Variants in DPP10 observed in about 807,000 individuals in gnomAD.
DPP10 encodes the protein dipeptidyl peptidase like 10.
A neutral mutation model predicts 120.9 loss-of-function variants in DPP10; 33 were observed. The observed-to-expected ratio is 0.27, with a 90% confidence interval of 0.21 to 0.37. DPP10 has a LOEUF of 0.37. DPP10 is among the 10% of genes least tolerant of loss of function. The probability of loss-of-function intolerance (pLI) is 1.00; values close to 1 mark genes in which losing one functional copy is unlikely to be tolerated. For missense variants in DPP10, 816 were observed against 942.8 expected, an observed-to-expected ratio of 0.87 and a Z score of 1.76; for synonymous variants, 337 against 326.1, an observed-to-expected ratio of 1.03 and a Z score of -0.36.
intron 1 of DPP10, among the ~76,000 whole-genome samples, chr2:114,502,082 C>T (rs921754619): frequency 3.3e-5 from 5 of 151,562 alleles, no homozygotes; most frequent in African/African-American, 9.7e-5. Flanking sequence ...ATTACAGGCA[C>T]GCACCACCAC....
chr2:115,523,024 G>A (rs536354437), intron 4 of DPP10, among the ~76,000 whole-genome samples: 18 of 152,156 alleles, frequency 1.2e-4, no homozygotes, highest in East Asian at 9.7e-4. Context: ...ATCTTCTGGC[G>A]TGTTGACTAA....
At chr2:114,519,914 C>G (rs1190443017) in intron 1 of DPP10, among the ~76,000 whole-genome samples, 1 of 152,172 alleles carries the variant, frequency 6.6e-6, no homozygotes, top group Non-Finnish European at 1.5e-5. Context: ...TTTCACATTC[C>G]TCTTCATGTA....
At position 115,463,634 on chromosome 2, in the gene DPP10, T is replaced by G. The variant is rs181092893; in HGVS notation, c.272-35876T>G. ...AATGGATTTGGTCTTCCTTATGTGATGAGTATTGGGATATCATACTTTATT... is the reference window on the plus strand; with the variant it reads ...AATGGATTTGGTCTTCCTTATGTGAGGAGTATTGGGATATCATACTTTATT... On this transcript the variant is annotated intron_variant, in intron 3 of 25. Transcript: ENST00000410059. 1.6e-4 allele frequency among the ~76,000 whole-genome samples: 24 copies of G among 152,334 alleles called. No homozygotes were observed. In the East Asian group the frequency reaches 4.1e-3, roughly 26 times the overall value.
intron 1 of DPP10, among the ~76,000 whole-genome samples, chr2:114,945,799 C>G (rs200139909): frequency 1.3e-5 from 2 of 151,894 alleles, no homozygotes; most frequent in East Asian, 3.9e-4. Context: ...CTGGGCAACA[C>G]GAGGGAAACT....
chr2:115,193,067 C>T (rs2054998777), intron 1 of DPP10, among the ~76,000 whole-genome samples: 1 of 152,092 alleles, frequency 6.6e-6, no homozygotes, highest in Non-Finnish European at 1.5e-5. Context: ...ACTTTCCTTA[C>T]ACACCTTGCA....
intron 1 of DPP10, among the ~76,000 whole-genome samples, chr2:114,863,911 A>G (rs1690017665): frequency 6.6e-6 from 1 of 152,190 alleles, no homozygotes; most frequent in Non-Finnish European, 1.5e-5. Context: ...AAAGCCTCCA[A>G]GTCGAGCCTG....
At chr2:115,789,816 C>A (rs1043503446) in intron 17 of DPP10, among the ~76,000 whole-genome samples, 2 of 152,074 alleles carry the variant, frequency 1.3e-5, no homozygotes, top group Non-Finnish European at 2.9e-5. Context: ...AATGAAAATG[C>A]AAGATTTAGG....
At chr2:114,832,920 C>A (rs1687268922) in intron 1 of DPP10, among the ~76,000 whole-genome samples, 1 of 151,894 alleles carries the variant, frequency 6.6e-6, no homozygotes, top group South Asian at 2.1e-4. Flanking sequence ...ATTGCCATTT[C>A]AAAAAATGTA....
intron 1 of DPP10, among the ~76,000 whole-genome samples, chr2:114,537,720 A>T (rs1686627170): frequency 6.6e-6 from 1 of 152,176 alleles, no homozygotes; most frequent in South Asian, 2.1e-4. Flanking sequence ...TTTCATTATC[A>T]CCATTTCACA....
At chr2:115,174,362 G>A (rs1377037300) in intron 1 of DPP10, among the ~76,000 whole-genome samples, 3 of 152,242 alleles carry the variant, frequency 2.0e-5, no homozygotes, top group African/African-American at 7.2e-5. Context: ...CCATCAAGAT[G>A]GTAAAGTTGG....
At chr2:115,686,627 G>A (rs547357411) in intron 5 of DPP10, among the ~76,000 whole-genome samples, 40 of 151,918 alleles carry the variant, frequency 2.6e-4, no homozygotes, top group Non-Finnish European at 4.3e-4. Context: ...TAGAGATGAT[G>A]GGTACCAGAT....
At chr2:115,517,876 G>A (rs1309810851) in intron 4 of DPP10, among the ~76,000 whole-genome samples, 2 of 152,156 alleles carry the variant, frequency 1.3e-5, no homozygotes, top group African/African-American at 4.8e-5. Context: ...CTGAGGCTGG[G>A]TAATTTACGT....
intron 2 of DPP10, among the ~76,000 whole-genome samples, chr2:115,326,667 C>T (rs551377475): frequency 3.3e-5 from 5 of 151,972 alleles, no homozygotes; most frequent in Middle Eastern, 3.4e-3. Context: ...ATGATACTGA[C>T]CCTGTGTAGG....
At chr2:114,505,009 G>A (rs61422100) in intron 1 of DPP10, among the ~76,000 whole-genome samples, 2,198 of 126,056 alleles carry the variant, frequency 0.017, 54 homozygotes, top group African/African-American at 0.063. Context: ...CCAACATCGC[G>A]CCACTGCACT....
intron 19 of DPP10, among the ~76,000 whole-genome samples, chr2:115,811,490 A>C (rs1310793171): frequency 6.6e-6 from 1 of 152,360 alleles, no homozygotes; most frequent in East Asian, 1.9e-4. Context: ...CTCTATCTTA[A>C]AATAATTTAC....
chr2:115,760,965 C>G (rs1173100114), intron 11 of DPP10, among the ~76,000 whole-genome samples: 1 of 151,930 alleles, frequency 6.6e-6, no homozygotes, highest in Non-Finnish European at 1.5e-5. Context: ...GGCATGGTGG[C>G]ACACGCCTGT....
intron 1 of DPP10, among the ~76,000 whole-genome samples, chr2:114,814,908 T>C (rs1558768822): frequency 6.6e-6 from 1 of 152,182 alleles, no homozygotes; most frequent in Non-Finnish European, 1.5e-5. Context: ...GGAGCTGCCA[T>C]GGGCTTTTGT....
intron 1 of DPP10, among the ~76,000 whole-genome samples, chr2:114,678,135 T>C (rs1263330447): frequency 1.3e-5 from 2 of 152,084 alleles, no homozygotes; most frequent in Non-Finnish European, 2.9e-5. Context: ...TTAATTACAA[T>C]GAGAGGAAAT....
intron 1 of DPP10, among the ~76,000 whole-genome samples, chr2:114,474,175 C>T (rs1680180983): frequency 6.6e-6 from 1 of 152,202 alleles, no homozygotes; most frequent in Non-Finnish European, 1.5e-5. Flanking sequence ...ACAGTCTGGT[C>T]TCAAACTCCT....
Sources: gnomAD v4.1 joint callset for allele counts (sites outside exome capture counted in the v4.1 genomes callset) on GRCh38, gnomAD v4.1.1 for gene constraint, MANE v1.5 for transcripts, NCBI Gene and HGNC (gene_info 2026-07-23, HGNC 2026-07-21) for gene names.